Variants in PCDH11X observed in about 807,000 individuals in gnomAD.
The protein encoded by PCDH11X is protocadherin 11 X-linked.
Under a neutral mutation model 53.3 loss-of-function variants are expected in PCDH11X, and 18 were observed. The ratio of observed to expected loss-of-function variants is 0.34; its 90% CI spans 0.23 to 0.50. The LOEUF is 0.50. Ranked by LOEUF, PCDH11X falls within the 20% of genes least tolerant of loss-of-function variation. The pLI, the probability that PCDH11X is intolerant of heterozygous loss-of-function variation, is 0.98. For missense variants in PCDH11X, 570 were observed against 1,032.4 expected, an observed-to-expected ratio of 0.55 and a Z score of 6.14; for synonymous variants, 279 against 393.3, an observed-to-expected ratio of 0.71 and a Z score of 3.44.
chrX:92,308,953 C>T (rs1569460947), intron 8 of PCDH11X, among the ~76,000 whole-genome samples: 2 of 110,055 alleles, frequency 1.8e-5, no homozygotes, highest in African/African-American at 3.3e-5. Context: ...CTCACCGATT[C>T]GAAAGGCTAT....
At chrX:91,893,468 G>C (rs1363415458) in intron 6 of PCDH11X, among the ~76,000 whole-genome samples, 1 of 108,179 alleles carries the variant, frequency 9.2e-6, no homozygotes, top group East Asian at 2.9e-4. Context: ...ATCTCAGTGT[G>C]TGATTTCTTC....
chrX:92,247,846 C>A (rs1569440244), intron 7 of PCDH11X, among the ~76,000 whole-genome samples: 1 of 111,628 alleles, frequency 9.0e-6, no homozygotes, highest in South Asian at 3.8e-4. Context: ...TGTGAGTGGA[C>A]ATGAGTTTTT....
intron 10 of PCDH11X, among the ~76,000 whole-genome samples, chrX:92,510,863 A>T (rs765457095): frequency 1.8e-5 from 2 of 112,248 alleles, no homozygotes; most frequent in East Asian, 5.6e-4. Flanking sequence ...ATTACTGTGC[A>T]TAAAAAGTAT....
chrX:92,296,302 A>C lies in PCDH11X; in HGVS notation c.3144+33159A>C, dbSNP rs763927082. Reference sequence around the variant, plus strand: ...ATGTGCAGGTTTGTTATACAGATAAATTGCATGTGACAGGAGTTAAATATA... The same window carrying C: ...ATGTGCAGGTTTGTTATACAGATAACTTGCATGTGACAGGAGTTAAATATA... On this transcript the variant is annotated intron_variant, in intron 8 of 10. Coordinates refer to ENST00000682573, the MANE Select transcript of PCDH11X (RefSeq NM_032968.5). Among the ~76,000 whole-genome samples, 133 of 110,397 alleles carry C rather than the reference A, an allele frequency of 1.2e-3. 1 individual carries two copies. Among genetic ancestry groups the C allele is most frequent in the African/African-American group, 4.2e-3 (126 of 30,195 alleles).
chrX:91,912,014 T>C (rs959742132), intron 6 of PCDH11X, among the ~76,000 whole-genome samples: 20 of 111,893 alleles, frequency 1.8e-4, no homozygotes, highest in African/African-American at 6.5e-4. Context: ...TTAAATTAAT[T>C]CATTGATATT....
intron 4 of PCDH11X, among the ~76,000 whole-genome samples, chrX:91,823,324 T>A (rs1173901672): frequency 9.0e-6 from 1 of 110,654 alleles, no homozygotes; most frequent in Non-Finnish European, 1.9e-5. Flanking sequence ...TCTTTGTAGG[T>A]CACTCAGGAC....
chrX:92,592,027 G>A lies in PCDH11X; in HGVS notation c.3368-26237G>A, dbSNP rs997300975. Among the ~76,000 whole-genome samples, 3 of 93,364 alleles carry A rather than the reference G, an allele frequency of 3.2e-5. No homozygotes were observed. The East Asian group carries it at 1.0e-3, about 32-fold the overall frequency. The allele number at this position is 93,364 out of a possible 115,157, so 81.1% of individuals were successfully genotyped here. On this transcript the variant is annotated intron_variant, in intron 10 of 10. Transcript: ENST00000682573. ...CTGAGGATACCATTAAAAGAAAAAG[G>A]TTAAATTAAAAGAAGGATCCATAAT...
At chrX:91,838,768 A>G (rs2147625272) in intron 5 of PCDH11X, among the ~76,000 whole-genome samples, 1 of 106,980 alleles carries the variant, frequency 9.3e-6, no homozygotes, top group East Asian at 3.0e-4. Flanking sequence ...CAAGAATAGA[A>G]AAATCACCAT....
chrX:92,181,318 G>A (rs913545190), intron 6 of PCDH11X, among the ~76,000 whole-genome samples: 7 of 111,613 alleles, frequency 6.3e-5, no homozygotes, highest in African/African-American at 2.3e-4. Flanking sequence ...AAGCAGCAAA[G>A]CATTCAAGAT....
Position 91,878,664 on chromosome X carries a change from T to C in PCDH11X, c.2424T>C (p.Ser808=), listed in dbSNP as rs1939744392. 3 of 1,210,673 alleles carry C rather than the reference T, an allele frequency of 2.5e-6. No homozygotes were observed. Among genetic ancestry groups the C allele is most frequent in the South Asian group, 3.5e-5 (2 of 56,891 alleles). The change falls in exon 6 of 11, where the codon AGT becomes AGC. Residue 808 remains serine, a synonymous_variant. Transcript: ENST00000682573. ...TAGCTGATGTATCCTCACCAACTAG[T>C]GACTATGTCAAGATCCTGGTTGCAG... The part of the protein sequence containing the change: ...TEIADVSSPT[S]DYVKILVAAV...
chrX:91,895,167 C>T (rs1458270247), intron 6 of PCDH11X, among the ~76,000 whole-genome samples: 1 of 111,631 alleles, frequency 9.0e-6, no homozygotes, highest in Non-Finnish European at 1.9e-5. Context: ...TGGTATACTT[C>T]AGTCAAATCA....
chrX:92,025,345 A>G (rs1222433315), intron 6 of PCDH11X, among the ~76,000 whole-genome samples: 1 of 107,975 alleles, frequency 9.3e-6, no homozygotes, highest in Non-Finnish European at 1.9e-5. Context: ...AGGAACTCAC[A>G]CATATTTACA....
intron 9 of PCDH11X, chrX:92,460,723 G>C (rs1430944318): frequency 9.4e-7 from 1 of 1,061,228 alleles, no homozygotes; most frequent in African/African-American, 1.8e-5. Context: ...CCCGGGCAGA[G>C]AGACAGTGCC....
rs918439881 is a variant in PCDH11X, at chrX:92,423,208, A to G, written c.3343+35275A>G. On this transcript the variant is annotated intron_variant, in intron 9 of 10. Transcript: ENST00000682573. ...AAGGTGGTATTGCACTGTAGTTTTG[A>G]TTTGCATTTCCTTGATAATTAGTGA... Among the ~76,000 whole-genome samples, 15 of 95,890 alleles carry G rather than the reference A, an allele frequency of 1.6e-4. 1 individual carries two copies. The highest frequency in any genetic ancestry group is 5.1e-4 in the African/African-American group (15 of 29,621). The allele number at this position is 95,890 out of a possible 115,157, so 83.3% of individuals were successfully genotyped here. A position where few individuals can be genotyped will look rare whatever the true frequency, so the allele number is the denominator to read the frequency against.
chrX:92,379,916 T>G (rs1307536827), intron 8 of PCDH11X, among the ~76,000 whole-genome samples: 4 of 96,677 alleles, frequency 4.1e-5, no homozygotes, highest in African/African-American at 1.5e-4. Flanking sequence ...GACACAGGTC[T>G]CAGGACCCAC....
chrX:92,397,826 C>G (rs1240336379), intron 9 of PCDH11X, among the ~76,000 whole-genome samples: 2 of 111,393 alleles, frequency 1.8e-5, no homozygotes, highest in Non-Finnish European at 3.8e-5. Flanking sequence ...TCTATAAAAG[C>G]TACTTTTACT....
At chrX:91,893,833 T>G (rs1408676861) in intron 6 of PCDH11X, among the ~76,000 whole-genome samples, 1 of 110,320 alleles carries the variant, frequency 9.1e-6, no homozygotes, top group Non-Finnish European at 1.9e-5. Context: ...CAAAACTGAC[T>G]ATATATATAT....
At chrX:92,540,485 C>G (rs2074737103) in intron 10 of PCDH11X, among the ~76,000 whole-genome samples, 1 of 106,005 alleles carries the variant, frequency 9.4e-6, no homozygotes, top group Admixed American at 1.0e-4. Context: ...TAAAGCACGT[C>G]CAGAATTGCT....
chrX:91,888,870 T>G (rs1940351776), intron 6 of PCDH11X, among the ~76,000 whole-genome samples: 1 of 109,563 alleles, frequency 9.1e-6, no homozygotes, highest in African/African-American at 3.3e-5. Flanking sequence ...AAAATAAACT[T>G]TAAAATGTAT....
Sources: gnomAD v4.1 joint callset for allele counts (sites outside exome capture counted in the v4.1 genomes callset) on GRCh38, gnomAD v4.1.1 for gene constraint, MANE v1.5 for transcripts, NCBI Gene and HGNC (gene_info 2026-07-23, HGNC 2026-07-21) for gene names.